ARHGEF28: variants seen among roughly 807,000 people sequenced by gnomAD.
ARHGEF28 encodes the protein Rho guanine nucleotide exchange factor 28.
In ARHGEF28, 152 loss-of-function variants were observed where a neutral mutation model predicts 206.6. The ratio of observed to expected loss-of-function variants is 0.74; its 90% CI spans 0.64 to 0.84. ARHGEF28 has a LOEUF of 0.84. Among genes scored for constraint, ARHGEF28 ranks in the 40% least tolerant of loss-of-function variants. The pLI is 0.00. For missense variants in ARHGEF28, 2,028 were observed against 2,073.2 expected, an observed-to-expected ratio of 0.98 and a Z score of 0.42; for synonymous variants, 763 against 776.4, an observed-to-expected ratio of 0.98 and a Z score of 0.29.
chr5:73,932,795 TATTTC>T (rs1299521830), intron 35 of ARHGEF28, among the ~76,000 whole-genome samples: 22 of 138,854 alleles, frequency 1.6e-4, no homozygotes, highest in African/African-American at 5.5e-4. Flanking sequence ...TTTTATTTCC[TATTTC>T]TTTTTTTTTT....
At chr5:73,647,699 C>T (rs1321046110) in intron 1 of ARHGEF28, among the ~76,000 whole-genome samples, 1 of 152,208 alleles carries the variant, frequency 6.6e-6, no homozygotes, top group East Asian at 1.9e-4. Flanking sequence ...ACAGCTTTAG[C>T]TGGTTAGCCA....
intron 2 of ARHGEF28, among the ~76,000 whole-genome samples, chr5:73,690,571 G>A (rs1171946091): frequency 7.0e-6 from 1 of 142,040 alleles, no homozygotes; most frequent in Non-Finnish European, 1.5e-5. Context: ...GGTGGCTCAA[G>A]CCTATAGTCC....
intron 7 of ARHGEF28, among the ~76,000 whole-genome samples, chr5:73,781,641 A>T (rs992705402): frequency 6.6e-6 from 1 of 152,238 alleles, no homozygotes; most frequent in Non-Finnish European, 1.5e-5. Flanking sequence ...TGTCTGGAAC[A>T]GATCCTGATT....
intron 21 of ARHGEF28, among the ~76,000 whole-genome samples, chr5:73,870,516 C>A (rs896205693): frequency 6.6e-6 from 1 of 152,180 alleles, no homozygotes; most frequent in African/African-American, 2.4e-5. Flanking sequence ...TGTTATTTCC[C>A]ATATTCCTTT....
At chr5:73,815,649 A>G (rs931858727) in intron 9 of ARHGEF28, among the ~76,000 whole-genome samples, 2 of 152,150 alleles carry the variant, frequency 1.3e-5, no homozygotes, top group African/African-American at 4.8e-5. Flanking sequence ...CACTGGAGAG[A>G]CATGGGATTA....
chr5:73,911,604 T>G lies in ARHGEF28; in HGVS notation c.4948+29T>G, dbSNP rs1166866393. On this transcript the variant is annotated intron_variant, in intron 35 of 35. Coordinates refer to ENST00000513042, the MANE Select transcript of ARHGEF28 (RefSeq NM_001177693.2). ...ATTAACACTTTAAACATCATCTGTA[T>G]AGTTTGAACAAGAAGTTGTCCCTCT... 11 of 1,544,546 alleles carry G rather than the reference T, an allele frequency of 7.1e-6. No individual in the cohort carries two copies. In the Middle Eastern group the frequency reaches 6.7e-4, roughly 94 times the overall value.
At chr5:73,740,278 G>T (rs1332937993) in intron 2 of ARHGEF28, among the ~76,000 whole-genome samples, 1 of 151,598 alleles carries the variant, frequency 6.6e-6, no homozygotes, top group Non-Finnish European at 1.5e-5. Context: ...AAATATTGAA[G>T]CAATTAATCA....
chr5:73,649,300 A>G (rs1744645486), intron 1 of ARHGEF28, among the ~76,000 whole-genome samples: 1 of 152,084 alleles, frequency 6.6e-6, no homozygotes, highest in Non-Finnish European at 1.5e-5. Context: ...TGGGGAGTGG[A>G]AGGGGGACAG....
chr5:73,828,771 C>T (rs1757095677), intron 9 of ARHGEF28, among the ~76,000 whole-genome samples: 1 of 147,908 alleles, frequency 6.8e-6, no homozygotes, highest in Admixed American at 6.9e-5. Flanking sequence ...TCTGTCCTTC[C>T]TTCCTTTCCT....
chr5:73,751,400 A>G (rs764765376), intron 3 of ARHGEF28, among the ~76,000 whole-genome samples: 4 of 152,064 alleles, frequency 2.6e-5, no homozygotes, highest in Non-Finnish European at 5.9e-5. Context: ...ACAGAGCGAG[A>G]CTCTGTCTCA....
intron 24 of ARHGEF28, 126 bp downstream of exon 24, chr5:73,884,010 G>C: frequency 2.1e-6 from 1 of 471,404 alleles, no homozygotes; most frequent in Admixed American, 4.3e-5. Context: ...CGGAGAAACT[G>C]TTAAAGCCTT....
intron 10 of ARHGEF28, among the ~76,000 whole-genome samples, chr5:73,837,657 A>G (rs1466608704): frequency 1.3e-5 from 2 of 151,882 alleles, no homozygotes. Flanking sequence ...CAAACCAAAG[A>G]TTTGGTAAAT....
At chr5:73,794,826 C>T (rs975442269) in intron 8 of ARHGEF28, among the ~76,000 whole-genome samples, 1 of 152,050 alleles carries the variant, frequency 6.6e-6, no homozygotes, top group Admixed American at 6.5e-5. Flanking sequence ...AAGGTGGTCT[C>T]GAACTCGTGA....
intron 10 of ARHGEF28, among the ~76,000 whole-genome samples, chr5:73,834,419 CAG>C (rs1435268049): frequency 6.6e-6 from 1 of 152,096 alleles, no homozygotes; most frequent in African/African-American, 2.4e-5. Context: ...ACATATAAGT[CAG>C]ATCATGCAGT....
chr5:73,901,854 A>T (rs1762289270), intron 31 of ARHGEF28: 2 of 152,132 alleles, frequency 1.3e-5, no homozygotes, highest in Admixed American at 1.3e-4. Context: ...TTACTGCTAT[A>T]GACATAGATA....
chr5:73,640,825 A>T (rs1744032359), intron 1 of ARHGEF28, among the ~76,000 whole-genome samples: 2 of 152,210 alleles, frequency 1.3e-5, no homozygotes, highest in South Asian at 4.1e-4. Flanking sequence ...TAAAACCAAA[A>T]ACTGTAGCTC....
intron 30 of ARHGEF28, chr5:73,898,332 GT>G (rs1762078378): frequency 3.3e-6 from 1 of 305,726 alleles, no homozygotes; most frequent in East Asian, 6.1e-5. Context: ...ATACTGCTCT[GT>G]TTGCCGGCCA....
At chr5:73,846,507 C>A in intron 12 of ARHGEF28, 32 bp downstream of exon 12, 1 of 1,585,280 alleles carries the variant, frequency 6.3e-7, no homozygotes, top group Non-Finnish European at 8.7e-7. Context: ...TGGTATATTG[C>A]AAGTGTGGAG....
chr5:73,892,030 C>T, intron 26 of ARHGEF28, 22 bp from the exon 27 acceptor site: 1 of 1,585,346 alleles, frequency 6.3e-7, no homozygotes, highest in Admixed American at 1.8e-5. Flanking sequence ...GTTTCATCTG[C>T]TCACCTTCCT....
Sources: gnomAD v4.1 joint callset for allele counts (sites outside exome capture counted in the v4.1 genomes callset) on GRCh38, gnomAD v4.1.1 for gene constraint, MANE v1.5 for transcripts, NCBI Gene and HGNC (gene_info 2026-07-23, HGNC 2026-07-21) for gene names.